The following VWC2L variants were observed in gnomAD, a reference collection of about 807,000 sequenced individuals.
VWC2L encodes the protein von Willebrand factor C domain-containing protein 2-like.
Under a neutral mutation model 21.6 loss-of-function variants are expected in VWC2L, and 10 were observed. That is an observed-to-expected ratio of 0.46 (90% CI 0.29 to 0.78). The LOEUF (loss-of-function observed/expected upper bound fraction) is 0.78. Among genes scored for constraint, VWC2L ranks in the 30% least tolerant of loss-of-function variants. VWC2L has a pLI of 0.10. For synonymous variants in VWC2L, 96 were observed against 94.3 expected (o/e 1.02, Z -0.10); for missense variants, 209 against 277.1 (o/e 0.75, Z 1.74).
chr2:214,550,330 T>C (rs1689773779), intron 3 of VWC2L, among the ~76,000 whole-genome samples: 1 of 152,250 alleles, frequency 6.6e-6, no homozygotes. Flanking sequence ...ATAAACATTC[T>C]TAATAATATG....
At chr2:214,478,506 A>C (rs1688558511) in intron 3 of VWC2L, among the ~76,000 whole-genome samples, 1 of 152,106 alleles carries the variant, frequency 6.6e-6, no homozygotes, top group South Asian at 2.1e-4. Context: ...GACAACAAAA[A>C]AAGACTGGCT....
chr2:214,572,425 T>C (rs1690162787), intron 3 of VWC2L, among the ~76,000 whole-genome samples: 1 of 152,102 alleles, frequency 6.6e-6, no homozygotes, highest in Admixed American at 6.6e-5. Flanking sequence ...CCCTCTGGAG[T>C]CTCTCCAAAT....
intron 3 of VWC2L, among the ~76,000 whole-genome samples, chr2:214,498,440 C>T (rs1029749953): frequency 1.4e-4 from 22 of 152,176 alleles, no homozygotes; most frequent in Admixed American, 7.2e-4. Context: ...AGAAAAGTCA[C>T]GGTCTCTGAA....
rs574917301 is a variant in VWC2L, at chr2:214,577,391, C to A, written c.*1571C>A. 3.3e-5 allele frequency: 5 copies of A among 152,258 alleles called. No homozygotes were observed. Among genetic ancestry groups the A allele is most frequent in the Admixed American group, 6.5e-5 (1 of 15,274 alleles). The allele number at this position is 152,258 out of a possible 1,614,324, so 9.4% of individuals were successfully genotyped here. ...GCTTTTAGGATGTTTAGCACCATCA[C>A]TGGCCTCTATCCACTAGCAACATCC... On this transcript the variant is annotated 3_prime_UTR_variant, in exon 4 of 4. Coordinates refer to ENST00000312504, the MANE Select transcript of VWC2L (RefSeq NM_001080500.4).
intron 1 of VWC2L, among the ~76,000 whole-genome samples, chr2:214,412,137 T>A (rs1388857737): frequency 6.6e-6 from 1 of 152,096 alleles, no homozygotes; most frequent in African/African-American, 2.4e-5. Context: ...ATATTTAATG[T>A]TTATATAAAG....
At chr2:214,433,027 GAA>G (rs34913555) in intron 2 of VWC2L, among the ~76,000 whole-genome samples, 2 of 106,890 alleles carry the variant, frequency 1.9e-5, no homozygotes, top group African/African-American at 6.6e-5. Context: ...ATCTCAAGAA[GAA>G]AAAAAAAAAA....
intron 3 of VWC2L, among the ~76,000 whole-genome samples, chr2:214,493,969 A>G (rs74757921): frequency 0.031 from 4,734 of 152,274 alleles, 111 homozygotes; most frequent in South Asian, 0.093. Context: ...ATTTCTCCAC[A>G]ATGAATCAGT....
At chr2:214,479,646 A>T (rs1040485275) in intron 3 of VWC2L, among the ~76,000 whole-genome samples, 1 of 152,090 alleles carries the variant, frequency 6.6e-6, no homozygotes, top group African/African-American at 2.4e-5. Flanking sequence ...CTCTACTAAA[A>T]ATATAAAAAT....
At chr2:214,496,210 T>C (rs1195637456) in intron 3 of VWC2L, among the ~76,000 whole-genome samples, 1 of 145,674 alleles carries the variant, frequency 6.9e-6, no homozygotes. Flanking sequence ...TATCTAATCA[T>C]AGATAAAGTA....
At chr2:214,510,073 G>C (rs935951930) in intron 3 of VWC2L, 2 of 152,180 alleles carry the variant, frequency 1.3e-5, no homozygotes, top group Non-Finnish European at 2.9e-5. Context: ...GAAGTCACCT[G>C]ACTCAATTTT....
chr2:214,422,997 G>A (rs1440923455), intron 2 of VWC2L, among the ~76,000 whole-genome samples: 1 of 151,986 alleles, frequency 6.6e-6, no homozygotes, highest in Non-Finnish European at 1.5e-5. Context: ...TATATCTTAT[G>A]AAGAATAAAT....
chr2:214,551,235 T>C (rs537783883), intron 3 of VWC2L, among the ~76,000 whole-genome samples: 74 of 152,346 alleles, frequency 4.9e-4, no homozygotes, highest in African/African-American at 1.7e-3. Flanking sequence ...GTATAAATTC[T>C]GTAAATAGGA....
chr2:214,539,396 T>A (rs1689591790), intron 3 of VWC2L, among the ~76,000 whole-genome samples: 1 of 152,168 alleles, frequency 6.6e-6, no homozygotes, highest in Non-Finnish European at 1.5e-5. Flanking sequence ...ATAAATGCTG[T>A]CATTAGTTGA....
At chr2:214,477,374 G>A (rs1316036926) in intron 3 of VWC2L, among the ~76,000 whole-genome samples, 5 of 152,216 alleles carry the variant, frequency 3.3e-5, no homozygotes, top group Admixed American at 1.3e-4. Flanking sequence ...AATATGCAGA[G>A]GTTGTCCTTG....
intron 3 of VWC2L, among the ~76,000 whole-genome samples, chr2:214,500,685 T>G (rs1375107196): frequency 1.3e-5 from 2 of 152,242 alleles, no homozygotes; most frequent in East Asian, 1.9e-4. Flanking sequence ...AAAATGTATT[T>G]TTACCTGTAT....
At chr2:214,553,691 G>A (rs1399356598) in intron 3 of VWC2L, among the ~76,000 whole-genome samples, 1 of 152,116 alleles carries the variant, frequency 6.6e-6, no homozygotes, top group African/African-American at 2.4e-5. Context: ...GTTAATGCTG[G>A]TCAGCTGTGC....
At chr2:214,559,901 T>G (rs1307161497) in intron 3 of VWC2L, among the ~76,000 whole-genome samples, 1 of 152,206 alleles carries the variant, frequency 6.6e-6, no homozygotes, top group Non-Finnish European at 1.5e-5. Flanking sequence ...GAGCCCAGCC[T>G]AATTTTTAAT....
At chr2:214,488,292 T>A (rs763542105) in intron 3 of VWC2L, among the ~76,000 whole-genome samples, 5 of 152,202 alleles carry the variant, frequency 3.3e-5, no homozygotes, top group African/African-American at 4.8e-5. Flanking sequence ...TGATAGAGAA[T>A]TCAACCTGGT....
chr2:214,524,603 G>A (rs1689298103), intron 3 of VWC2L, among the ~76,000 whole-genome samples: 1 of 151,942 alleles, frequency 6.6e-6, no homozygotes, highest in Non-Finnish European at 1.5e-5. Context: ...TGTGCCAGGC[G>A]CTGTTTTAGG....
Sources: allele counts gnomAD v4.1 joint callset (sites outside exome capture counted in the v4.1 genomes callset), GRCh38; gene constraint gnomAD v4.1.1; transcripts MANE v1.5; gene names NCBI Gene and HGNC (gene_info 2026-07-23, HGNC 2026-07-21).